Variants in MAEA observed in about 807,000 individuals in gnomAD.
MAEA encodes the protein E3 ubiquitin-protein transferase MAEA.
A neutral mutation model predicts 46.2 loss-of-function variants in MAEA; 22 were observed. The ratio of observed to expected loss-of-function variants is 0.48; its 90% CI spans 0.34 to 0.68. MAEA has a LOEUF of 0.68. MAEA is among the 30% of genes least tolerant of loss of function. The pLI, the probability that MAEA is intolerant of heterozygous loss-of-function variation, is 0.01. For missense variants in MAEA, 393 were observed against 558.1 expected, an observed-to-expected ratio of 0.70 and a Z score of 2.98; for synonymous variants, 246 against 222.6, an observed-to-expected ratio of 1.11 and a Z score of -0.94.
At chr4:1,291,203 C>T (rs970187500) in intron 1 of MAEA, among the ~76,000 whole-genome samples, 6 of 152,204 alleles carry the variant, frequency 3.9e-5, no homozygotes, top group East Asian at 1.9e-4. Flanking sequence ...TCACTGTTGC[C>T]TAGGGTGGTT....
chr4:1,310,437 T>A (rs958208230), intron 1 of MAEA, among the ~76,000 whole-genome samples: 2 of 152,236 alleles, frequency 1.3e-5, no homozygotes, highest in African/African-American at 2.4e-5. Flanking sequence ...GACCCCAGGC[T>A]GCGTGGCACC....
intron 6 of MAEA, chr4:1,334,813 G>C (rs1187900275): frequency 1.1e-6 from 1 of 943,116 alleles, no homozygotes. Flanking sequence ...CAGTCCTGGG[G>C]AGTGAGGATG....
intron 1 of MAEA, among the ~76,000 whole-genome samples, chr4:1,302,189 C>G (rs921080324): frequency 2.6e-5 from 4 of 152,164 alleles, no homozygotes; most frequent in Non-Finnish European, 5.9e-5. Context: ...CCCAGAAATG[C>G]AAAGTTGGTT....
intron 1 of MAEA, among the ~76,000 whole-genome samples, chr4:1,307,972 T>C (rs866622072): frequency 2.7e-5 from 4 of 149,302 alleles, no homozygotes; most frequent in Admixed American, 6.8e-5. Flanking sequence ...TCCCATCAAG[T>C]TGATGCCTGA....
chr4:1,315,352 C>T (rs749894128), intron 2 of MAEA, 45 bp from the exon 3 acceptor site: 53 of 1,584,304 alleles, frequency 3.3e-5, no homozygotes, highest in South Asian at 1.0e-4. Flanking sequence ...TGCAGGGCTG[C>T]GGGGCATCCC....
At position 1,339,615 on chromosome 4, in the gene MAEA, A is replaced by G; in HGVS notation, c.*446A>G. The G allele has an allele frequency of 5.1e-6, 1 of 195,386 alleles. No homozygotes were observed. The highest frequency in any genetic ancestry group is 1.1e-5 in the Non-Finnish European group (1 of 93,678). The allele number at this position is 195,386 out of a possible 1,614,324, so 12.1% of individuals were successfully genotyped here. The stretch of plus-strand genomic sequence containing the variant: ...CCGGGGAAGGTGGCAGCGGCACCGG[A>G]CTGACCTGCAGTGACCCGCGATGCC... On this transcript the variant is annotated 3_prime_UTR_variant, in exon 9 of 9. Transcript: ENST00000303400.
At chr4:1,297,599 C>G (rs1257285723) in intron 1 of MAEA, among the ~76,000 whole-genome samples, 1 of 152,192 alleles carries the variant, frequency 6.6e-6, no homozygotes, top group Non-Finnish European at 1.5e-5. Flanking sequence ...GCACTCGTCA[C>G]AGTCTGACGC....
intron 1 of MAEA, among the ~76,000 whole-genome samples, chr4:1,297,111 G>A (rs1734808673): frequency 6.6e-6 from 1 of 152,194 alleles, no homozygotes; most frequent in South Asian, 2.1e-4. Context: ...ACCAAATGCC[G>A]CATCTCGGCC....
At chr4:1,331,167 C>T (rs1426879370) in intron 5 of MAEA, 1 of 150,880 alleles carries the variant, frequency 6.6e-6, no homozygotes, top group African/African-American at 2.5e-5. Flanking sequence ...CGCCCACCCA[C>T]ACGCTCCAAG....
In MAEA at chr4:1,311,617, C is replaced by T. The variant is rs569709090; in HGVS notation, c.70-362C>T. Among the ~76,000 whole-genome samples the T allele has an allele frequency of 6.6e-5, 10 of 152,304 alleles. No homozygotes were observed. The South Asian group carries it at 8.3e-4, about 13-fold the overall frequency. ...CAGCCGCAGCAGCCTGGCTGATCAC[C>T]GGCCAGGCCTGTGTTTTACCGTCTG... On this transcript the variant is annotated intron_variant, in intron 1 of 8. Transcript: ENST00000303400. The surrounding 1 kb of genome is among the most constrained non-coding windows in gnomAD (Gnocchi z 4.4).
chr4:1,322,943 CTTTTTTTTTTTTT>C (rs60692981), intron 4 of MAEA, among the ~76,000 whole-genome samples: 8 of 75,266 alleles, frequency 1.1e-4, no homozygotes, highest in Admixed American at 3.3e-4. Context: ...TGAATACCCA[CTTTTTTTTTTTTT>C]TTTTTTTTTT....
At position 1,317,788 on chromosome 4, in the gene MAEA, T is replaced by C. The variant is rs139782087; in HGVS notation, c.456+2188T>C. Among the ~76,000 whole-genome samples the C allele has an allele frequency of 2.5e-4, 38 of 152,330 alleles. No homozygotes were observed. In the East Asian group the frequency reaches 6.8e-3, roughly 27 times the overall value. Reference sequence around the variant, plus strand: ...GGCAAAGTGCACTGATCCTCTGCGGTGACCGGGGCTGGTGCCCCTGGGTGC... The same window carrying C: ...GGCAAAGTGCACTGATCCTCTGCGGCGACCGGGGCTGGTGCCCCTGGGTGC... On this transcript the variant is annotated intron_variant, in intron 3 of 8. Coordinates refer to ENST00000303400, the MANE Select transcript of MAEA (RefSeq NM_001017405.3).
Position 1,303,271 on chromosome 4 carries a change from G to A in MAEA, c.70-8708G>A, listed in dbSNP as rs536490575. 5.9e-3 allele frequency among the ~76,000 whole-genome samples: 875 copies of A among 148,414 alleles called. 20 individuals carry two copies. The highest frequency in any genetic ancestry group is 0.042 in the South Asian group (195 of 4,618). ...AAAAAAAAAAGCCGGTCATGGTGGC[G>A]TGCACCTGTAGTCCCAGCTACTTGG... On this transcript the variant is annotated intron_variant, in intron 1 of 8. Coordinates refer to ENST00000303400, the MANE Select transcript of MAEA (RefSeq NM_001017405.3).
chr4:1,336,845 GCTCT>G lies in MAEA; in HGVS notation c.766-13_766-10del. On this transcript the variant is annotated splice_polypyrimidine_tract_variant and intron_variant, in intron 6 of 8. Coordinates refer to ENST00000303400, the MANE Select transcript of MAEA (RefSeq NM_001017405.3). Reference sequence around the variant, plus strand: ...CCTGGGAGCATCCCCAGGACCCTCTGCTCTCTGTCTTCCAGGACCTTCTGGACCC... The same window carrying G: ...CCTGGGAGCATCCCCAGGACCCTCTGCTGTCTTCCAGGACCTTCTGGACCC... 2 of 1,611,758 alleles carry G rather than the reference GCTCT, an allele frequency of 1.2e-6. No homozygotes were observed. The highest frequency in any genetic ancestry group is 8.5e-7 in the Non-Finnish European group (1 of 1,178,796).
At chr4:1,291,699 C>T (rs1734125227) in intron 1 of MAEA, among the ~76,000 whole-genome samples, 1 of 152,182 alleles carries the variant, frequency 6.6e-6, no homozygotes, top group South Asian at 2.1e-4. Context: ...TCCAGAAATC[C>T]TTTCATTGTG....
At chr4:1,331,293 G>C (rs1711769286) in intron 5 of MAEA, 1 of 151,576 alleles carries the variant, frequency 6.6e-6, no homozygotes, top group African/African-American at 2.4e-5. Flanking sequence ...TATGCACCCT[G>C]CGGGGTCGGC....
chr4:1,309,086 C>T (rs182780523), intron 1 of MAEA, among the ~76,000 whole-genome samples: 202 of 152,294 alleles, frequency 1.3e-3, no homozygotes, highest in African/African-American at 4.7e-3. Context: ...GCTGGCCCCT[C>T]TCTGCATTGC....
At chr4:1,290,887 G>C (rs576500067) in intron 1 of MAEA, among the ~76,000 whole-genome samples, 1 of 152,362 alleles carries the variant, frequency 6.6e-6, no homozygotes, top group Non-Finnish European at 1.5e-5. Flanking sequence ...GAGCCATCCT[G>C]CTGGGGTGTG....
chr4:1,294,110 T>C (rs1734386341), intron 1 of MAEA, among the ~76,000 whole-genome samples: 1 of 152,252 alleles, frequency 6.6e-6, no homozygotes, highest in African/African-American at 2.4e-5. Flanking sequence ...CGATGTACTT[T>C]ATCTGCAGTA....
Sources: gnomAD v4.1 joint callset for allele counts (sites outside exome capture counted in the v4.1 genomes callset) on GRCh38, gnomAD v4.1.1 for gene constraint, Gnocchi (gnomAD v3.1) non-coding constraint, MANE v1.5 for transcripts, NCBI Gene and HGNC (gene_info 2026-07-23, HGNC 2026-07-21) for gene names.